CNTNAP2: variants seen among roughly 807,000 people sequenced by gnomAD.
The protein encoded by CNTNAP2 is contactin associated protein 2.
In CNTNAP2, 98 loss-of-function variants were observed where a neutral mutation model predicts 155.2. The observed-to-expected ratio is 0.63, with a 90% confidence interval of 0.54 to 0.75. CNTNAP2 has a LOEUF of 0.75. CNTNAP2 is among the 30% of genes least tolerant of loss of function. The pLI, the probability that CNTNAP2 is intolerant of heterozygous loss-of-function variation, is 0.00. For synonymous variants in CNTNAP2, 651 were observed against 631.2 expected (o/e 1.03, Z -0.47); for missense variants, 1,727 against 1,688.1 (o/e 1.02, Z -0.40).
At chr7:146,921,351 T>A (rs896238488) in intron 3 of CNTNAP2, among the ~76,000 whole-genome samples, 1 of 152,176 alleles carries the variant, frequency 6.6e-6, no homozygotes, top group African/African-American at 2.4e-5. Context: ...GAGATGCGAA[T>A]GATGAATCCC....
intron 9 of CNTNAP2, among the ~76,000 whole-genome samples, chr7:147,329,543 G>A (rs746518868): frequency 6.6e-6 from 1 of 152,062 alleles, no homozygotes; most frequent in Non-Finnish European, 1.5e-5. Flanking sequence ...AGATACGATT[G>A]CCAGAATCCT....
At chr7:148,047,791 A>G (rs1425858887) in intron 15 of CNTNAP2, among the ~76,000 whole-genome samples, 1 of 152,244 alleles carries the variant, frequency 6.6e-6, no homozygotes, top group Admixed American at 6.5e-5. Flanking sequence ...TGAGTTTGCA[A>G]ACATGGAATC....
intron 13 of CNTNAP2, among the ~76,000 whole-genome samples, chr7:147,736,557 G>C (rs1477600359): frequency 2.0e-5 from 3 of 152,122 alleles, no homozygotes; most frequent in African/African-American, 7.2e-5. Flanking sequence ...TCCTGAATTT[G>C]AATGTTGACC....
At chr7:148,331,444 AATGG>A (rs201401411) in intron 21 of CNTNAP2, among the ~76,000 whole-genome samples, 13 of 136,186 alleles carry the variant, frequency 9.5e-5, no homozygotes, top group East Asian at 7.5e-4. Flanking sequence ...GGACGTATGG[AATGG>A]ATGGATGGAT....
At chr7:146,505,530 A>G (rs903374513) in intron 1 of CNTNAP2, among the ~76,000 whole-genome samples, 1 of 152,214 alleles carries the variant, frequency 6.6e-6, no homozygotes, top group African/African-American at 2.4e-5. Flanking sequence ...CAGGAAATAC[A>G]GATGTTCCCT....
At chr7:147,612,339 C>G (rs181295509) in intron 12 of CNTNAP2, among the ~76,000 whole-genome samples, 23 of 151,682 alleles carry the variant, frequency 1.5e-4, no homozygotes, top group Non-Finnish European at 1.9e-4. Context: ...ATGTTTGTTT[C>G]CAATAGCCAA....
At position 146,444,727 on chromosome 7, in the gene CNTNAP2, G is replaced by A. The variant is rs569225142; in HGVS notation, c.97+327754G>A. Among the ~76,000 whole-genome samples the A allele has an allele frequency of 6.0e-5, 9 of 149,348 alleles. No individual in the cohort carries two copies. In the South Asian group the frequency reaches 1.5e-3, roughly 24 times the overall value. On this transcript the variant is annotated intron_variant, in intron 1 of 23. Transcript: ENST00000361727. ...GGCTAGGGTGCAGTGGCATGATCTC[G>A]GCTCACTGCAACTTCTGCCCCCCAG...
chr7:146,208,412 G>T (rs969646851), intron 1 of CNTNAP2, among the ~76,000 whole-genome samples: 6 of 151,904 alleles, frequency 3.9e-5, no homozygotes, highest in African/African-American at 1.5e-4. Flanking sequence ...ATTATTTATA[G>T]TTGAAATAAG....
intron 1 of CNTNAP2, among the ~76,000 whole-genome samples, chr7:146,395,991 A>G (rs1639481): frequency 0.51 from 77,954 of 151,714 alleles, 22,294 homozygotes; most frequent in African/African-American, 0.77. Flanking sequence ...CTGTACTGTC[A>G]CAAATTTCAG....
At chr7:148,309,566 A>G (rs1003664244) in intron 21 of CNTNAP2, among the ~76,000 whole-genome samples, 2 of 152,140 alleles carry the variant, frequency 1.3e-5, no homozygotes, top group African/African-American at 4.8e-5. Flanking sequence ...GGGTAAGTAA[A>G]GGAAAATTAC....
intron 1 of CNTNAP2, among the ~76,000 whole-genome samples, chr7:146,759,128 A>G (rs1802041891): frequency 6.6e-6 from 1 of 152,176 alleles, no homozygotes; most frequent in African/African-American, 2.4e-5. Context: ...AATTTTATTT[A>G]GAAATTAAAC....
intron 3 of CNTNAP2, among the ~76,000 whole-genome samples, chr7:146,878,594 C>A (rs930833032): frequency 1.4e-4 from 21 of 152,126 alleles, no homozygotes; most frequent in Admixed American, 3.9e-4. Context: ...AGTTTAACTT[C>A]ACTCTCTGAA....
intron 12 of CNTNAP2, among the ~76,000 whole-genome samples, chr7:147,584,246 G>T (rs1800575025): frequency 6.6e-6 from 1 of 152,136 alleles, no homozygotes; most frequent in Admixed American, 6.6e-5. Context: ...TTTCTTAGGG[G>T]TTCACGATAG....
chr7:147,329,434 T>A (rs1408690620), intron 9 of CNTNAP2, among the ~76,000 whole-genome samples: 2 of 152,032 alleles, frequency 1.3e-5, no homozygotes, highest in Non-Finnish European at 2.9e-5. Flanking sequence ...AAAGATCCAG[T>A]TTTTTATAGA....
intron 9 of CNTNAP2, among the ~76,000 whole-genome samples, chr7:147,353,587 A>G (rs1016400413): frequency 3.3e-5 from 5 of 152,130 alleles, no homozygotes; most frequent in African/African-American, 1.2e-4. Flanking sequence ...TGCTATTATG[A>G]ACAGTGCTGC....
chr7:147,384,433 A>C (rs1028216541), intron 9 of CNTNAP2, among the ~76,000 whole-genome samples: 1 of 152,156 alleles, frequency 6.6e-6, no homozygotes, highest in Non-Finnish European at 1.5e-5. Context: ...AATCTGCCTA[A>C]AAGAGATGTG....
intron 13 of CNTNAP2, among the ~76,000 whole-genome samples, chr7:147,738,907 G>T (rs111391499): frequency 0.18 from 27,460 of 151,826 alleles, 2,945 homozygotes; most frequent in Middle Eastern, 0.39. Flanking sequence ...CATCTGCCTT[G>T]GCCTCCCAAA....
chr7:147,254,979 T>C (rs1225543099), intron 8 of CNTNAP2, among the ~76,000 whole-genome samples: 1 of 152,214 alleles, frequency 6.6e-6, no homozygotes, highest in Non-Finnish European at 1.5e-5. Flanking sequence ...ATTTCTAAGT[T>C]ATAATTGCAA....
chr7:147,231,471 C>T (rs916331259), intron 8 of CNTNAP2, among the ~76,000 whole-genome samples: 17 of 152,240 alleles, frequency 1.1e-4, no homozygotes, highest in Middle Eastern at 3.4e-3. Context: ...TGCCAGATCA[C>T]GTGATAGTTC....
Sources: allele counts gnomAD v4.1 joint callset (sites outside exome capture counted in the v4.1 genomes callset), GRCh38; gene constraint gnomAD v4.1.1; transcripts MANE v1.5; gene names NCBI Gene and HGNC (gene_info 2026-07-23, HGNC 2026-07-21).